Variants in ZNF558 observed in about 807,000 individuals in gnomAD.
ZNF558 encodes the protein zinc finger protein 558.
Under a neutral mutation model 37.6 loss-of-function variants are expected in ZNF558, and 23 were observed. That is an observed-to-expected ratio of 0.61 (90% confidence interval 0.44 to 0.87). ZNF558 has a LOEUF of 0.87. Ranked by LOEUF, ZNF558 falls within the 40% of genes least tolerant of loss-of-function variation. ZNF558 has a pLI of 0.00. For synonymous variants in ZNF558, 189 were observed against 174.4 expected, an observed-to-expected ratio of 1.08 and a Z score of -0.66; for missense variants, 429 against 483.7, an observed-to-expected ratio of 0.89 and a Z score of 1.06.
intron 2 of ZNF558, among the ~76,000 whole-genome samples, chr19:8,829,782 T>C (rs976121315): frequency 2.6e-5 from 4 of 152,172 alleles, no homozygotes; most frequent in Admixed American, 2.6e-4. Context: ...ATCTATTGCA[T>C]GATAAGTAAA....
rs2043710557 is a variant in ZNF558 at position 8,807,190 on chromosome 19, CCTCT to C, written c.*4087_*4090del. On this transcript the variant is annotated 3_prime_UTR_variant, in exon 10 of 10. Coordinates refer to ENST00000601372, the MANE Select transcript of ZNF558 (RefSeq NM_144693.3). ...GGGGCTGGATGCTATCGCTGACTGA[CCTCT>C]CTCAGCTCCTGGAATGCAGCCCTCT... is the stretch of plus-strand genomic sequence containing the variant. The C allele has an allele frequency of 6.6e-6, 1 of 152,252 alleles. No individual in the cohort carries two copies. Among genetic ancestry groups the C allele is most frequent in the Non-Finnish European group, 1.5e-5 (1 of 68,108 alleles). 9.4% of individuals were successfully genotyped at this position (152,252 alleles called of 1,614,324 possible). A position where few individuals can be genotyped will look rare whatever the true frequency, so the allele number is the denominator to read the frequency against.
intron 9 of ZNF558, 118 bp from the exon 10 acceptor site, chr19:8,812,181 A>G: frequency 9.8e-7 from 1 of 1,016,280 alleles, no homozygotes; most frequent in Non-Finnish European, 1.4e-6. Flanking sequence ...TATTTTGGCT[A>G]CTTTCAGTGG....
upstream of ZNF558, among the ~76,000 whole-genome samples, chr19:8,836,928 G>A (rs940042848): frequency 8.5e-5 from 13 of 152,254 alleles, no homozygotes; most frequent in East Asian, 1.3e-3. Context: ...ATAAGCAAAA[G>A]ATGAACAAGC....
In ZNF558 at chr19:8,822,755, G is replaced by A. The variant is rs2044127173; in HGVS notation, c.-65-31C>T. On this transcript the variant is annotated intron_variant, in intron 4 of 9. Transcript: ENST00000601372. This position sits in a 1 kb window ranked among gnomAD's most constrained non-coding sequence, Gnocchi z 4.4. Reference sequence around the variant, plus strand: ...AGAAACGGGAATGCTCCAAGTCTCCGTGGCCTCCTCCCTCTCGGGCTGCTG... The same window carrying A: ...AGAAACGGGAATGCTCCAAGTCTCCATGGCCTCCTCCCTCTCGGGCTGCTG... The A allele has an allele frequency of 1.3e-5, 20 of 1,594,052 alleles. No homozygotes were observed. The highest frequency in any genetic ancestry group is 7.7e-5 in the South Asian group (7 of 90,544).
At chr19:8,818,401 G>A (rs1272363247) in intron 7 of ZNF558, among the ~76,000 whole-genome samples, 2 of 152,114 alleles carry the variant, frequency 1.3e-5, no homozygotes, top group Non-Finnish European at 2.9e-5. Flanking sequence ...GCAGTGAGCC[G>A]AGATCGCACC....
chr19:8,818,854 T>C (rs1372705121), intron 7 of ZNF558, among the ~76,000 whole-genome samples: 1 of 152,134 alleles, frequency 6.6e-6, no homozygotes, highest in Non-Finnish European at 1.5e-5. Flanking sequence ...TGGAACAGAA[T>C]TGAGAGTATG....
At chr19:8,829,320 G>A (rs1244617882) in intron 2 of ZNF558, among the ~76,000 whole-genome samples, 2 of 152,030 alleles carry the variant, frequency 1.3e-5, no homozygotes, top group East Asian at 3.9e-4. Flanking sequence ...AACATTTAAT[G>A]TCTGGTCCTC....
At chr19:8,817,423 ACTG>A (rs1349264809) in intron 7 of ZNF558, among the ~76,000 whole-genome samples, 1 of 152,158 alleles carries the variant, frequency 6.6e-6, no homozygotes, top group African/African-American at 2.4e-5. Flanking sequence ...TTTAAAATAC[ACTG>A]CTATGTTAGC....
intron 6 of ZNF558, 72 bp downstream of exon 6, chr19:8,821,931 C>T: frequency 4.4e-6 from 7 of 1,592,438 alleles, no homozygotes; most frequent in Non-Finnish European, 6.0e-6. Flanking sequence ...AGGCTCCAGG[C>T]TGCTGGAAGG....
At chr19:8,813,247 A>T (rs1555769093) in intron 7 of ZNF558, 25 bp from the exon 8 acceptor site, 1 of 1,549,708 alleles carries the variant, frequency 6.5e-7, no homozygotes. Flanking sequence ...AATACACATG[A>T]TATAGGTAAC....
chr19:8,831,766 G>C (rs2044362483), intron 1 of ZNF558, among the ~76,000 whole-genome samples: 1 of 152,192 alleles, frequency 6.6e-6, no homozygotes, highest in Non-Finnish European at 1.5e-5. Context: ...GAACTGCAGA[G>C]ATTTTTTTTT....
At position 8,811,573 on chromosome 19, in the gene ZNF558, T is replaced by C; in HGVS notation, c.917A>G (p.Tyr306Cys). 1 of 1,614,136 alleles carries C rather than the reference T, an allele frequency of 6.2e-7. No homozygotes were observed. Among genetic ancestry groups the C allele is most frequent in the Non-Finnish European group, 8.5e-7 (1 of 1,180,006 alleles). The change falls in exon 10 of 10, where the codon TAT becomes TGT. Residue 306 changes from tyrosine to cysteine, a missense_variant. Coordinates refer to ENST00000601372, the MANE Select transcript of ZNF558 (RefSeq NM_144693.3). Reference protein sequence around the residue: ...DCGKTFRKSSYLTQHVRTHTG... With the variant: ...DCGKTFRKSSCLTQHVRTHTG... ...ATGAGTTCTTACGTGCTGTGTCAGA[T>C]AGGAGCTCTTCCTGAAGGTTTTCCC...
intron 7 of ZNF558, 32 bp downstream of exon 7, chr19:8,821,148 T>A: frequency 6.2e-7 from 1 of 1,608,008 alleles, no homozygotes; most frequent in Non-Finnish European, 8.5e-7. Context: ...ACTGGAGTCA[T>A]TAAATAAATG....
intron 7 of ZNF558, 94 bp downstream of exon 7, chr19:8,821,086 T>C (rs1380921675): frequency 6.6e-7 from 1 of 1,511,566 alleles, no homozygotes; most frequent in Admixed American, 2.3e-5. Context: ...AATTTTATGT[T>C]GTATGGATTT....
chr19:8,812,030 A>G lies in ZNF558; in HGVS notation c.460T>C (p.Cys154Arg). The G allele has an allele frequency of 1.2e-6, 2 of 1,603,042 alleles. No homozygotes were observed. The highest frequency in any genetic ancestry group is 1.7e-6 in the Non-Finnish European group (2 of 1,174,072). The part of the protein sequence containing the change: ...RSHRGVKLNE[C>R]NQCFKVFSTK... ...CTGAAGACTTTAAAACACTGATTACATTCATTGAGTTTCACTCCACGATGA... is the reference window on the plus strand; with the variant it reads ...CTGAAGACTTTAAAACACTGATTACGTTCATTGAGTTTCACTCCACGATGA... The change falls in exon 10 of 10, where the codon TGT becomes CGT. Residue 154 changes from cysteine to arginine, a missense_variant. Physicochemically the swap from Cys to Arg is radical, Grantham distance 180. Transcript: ENST00000601372.
chr19:8,811,576 G>C lies in ZNF558; in HGVS notation c.914C>G (p.Ser305Cys). 6.2e-7 allele frequency: 1 copy of C among 1,614,104 alleles called. No homozygotes were observed. Residue 305 changes from serine (S) to cysteine (C), a missense_variant, in exon 10 of 10, where the codon TCC (serine) becomes TGC (cysteine). By Grantham distance (112) the Ser-to-Cys change is moderately radical. Coordinates refer to ENST00000601372, the MANE Select transcript of ZNF558 (RefSeq NM_144693.3). The stretch of plus-strand genomic sequence containing the variant: ...AGTTCTTACGTGCTGTGTCAGATAG[G>C]AGCTCTTCCTGAAGGTTTTCCCACA... ...HDCGKTFRKSSYLTQHVRTHT... is the reference protein window; with the variant it reads ...HDCGKTFRKSCYLTQHVRTHT...
chr19:8,808,264 C>A lies in ZNF558; in HGVS notation c.*3017G>T, dbSNP rs529275665. The A allele has an allele frequency of 4.6e-5, 7 of 152,172 alleles. No homozygotes were observed. In the East Asian group the frequency reaches 1.4e-3, roughly 29 times the overall value. The allele number at this position is 152,172 out of a possible 1,614,324, so 9.4% of individuals were successfully genotyped here. A position where few individuals can be genotyped will look rare whatever the true frequency, so the allele number is the denominator to read the frequency against. ...CCAAGGTTGCAGTGAGCCGAGATCG[C>A]ACCATTGCACTCCACCCTTGATGAC... On this transcript the variant is annotated 3_prime_UTR_variant, in exon 10 of 10. Transcript: ENST00000601372.
chr19:8,815,213 G>C (rs886868167), intron 7 of ZNF558, among the ~76,000 whole-genome samples: 21 of 152,032 alleles, frequency 1.4e-4, no homozygotes, highest in African/African-American at 4.3e-4. Context: ...TCTGCTAAAA[G>C]ATGTAAAAGA....
upstream of ZNF558, among the ~76,000 whole-genome samples, chr19:8,835,377 C>A (rs79577669): frequency 6.6e-6 from 1 of 151,988 alleles, no homozygotes; most frequent in Non-Finnish European, 1.5e-5. Flanking sequence ...GAGTTCGAAT[C>A]GTCATTTCTA....
Sources: allele counts gnomAD v4.1 joint callset (sites outside exome capture counted in the v4.1 genomes callset), GRCh38; gene constraint gnomAD v4.1.1; non-coding constraint Gnocchi (gnomAD v3.1); transcripts MANE v1.5; gene names NCBI Gene and HGNC (gene_info 2026-07-23, HGNC 2026-07-21).